The following RELN variants were observed in gnomAD, a reference collection of about 807,000 sequenced individuals.
RELN encodes the protein reelin.
RELN carries 108 observed loss-of-function variants against 427.6 expected under a neutral mutation model. That is an observed-to-expected ratio of 0.25 (90% CI 0.22 to 0.30). RELN has a LOEUF of 0.30. RELN is among the 10% of genes least tolerant of loss of function. RELN has a pLI of 1.00. For synonymous variants in RELN, 1,524 were observed against 1,513.4 expected (o/e 1.01, Z -0.16); for missense variants, 3,715 against 4,302.8 (o/e 0.86, Z 3.82).
chr7:103,586,218 C>T (rs1401459088), intron 28 of RELN, among the ~76,000 whole-genome samples: 1 of 151,990 alleles, frequency 6.6e-6, no homozygotes, highest in Non-Finnish European at 1.5e-5. Flanking sequence ...CAAAAATTAG[C>T]CGGGCATGGT....
At chr7:103,825,174 G>A (rs1355878890) in intron 3 of RELN, among the ~76,000 whole-genome samples, 1 of 152,032 alleles carries the variant, frequency 6.6e-6, no homozygotes, top group African/African-American at 2.4e-5. Flanking sequence ...GTACATGACA[G>A]TAAGTTTTCA....
intron 2 of RELN, among the ~76,000 whole-genome samples, chr7:103,895,096 G>A (rs945002676): frequency 1.3e-5 from 2 of 152,070 alleles, no homozygotes; most frequent in Admixed American, 1.3e-4. Flanking sequence ...TTCTAGGTAC[G>A]ACTATTACAT....
chr7:103,773,296 T>TCTCCCTCCCTCCCTCGCTCCCTCC (rs1791640408), intron 4 of RELN, among the ~76,000 whole-genome samples: 1 of 112,686 alleles, frequency 8.9e-6, no homozygotes, highest in Non-Finnish European at 1.8e-5. Flanking sequence ...TCGCTCCCTC[T>TCTCCCTCCCTCCCTCGCTCCCTCC]CTCTCTCCCT....
At chr7:103,530,036 C>G (rs985340358) in intron 46 of RELN, among the ~76,000 whole-genome samples, 20 of 152,112 alleles carry the variant, frequency 1.3e-4, no homozygotes, top group Admixed American at 2.6e-4. Flanking sequence ...CTCTCTCTCC[C>G]TCTCTTTTTA....
intron 5 of RELN, among the ~76,000 whole-genome samples, chr7:103,752,225 G>A (rs1343553015): frequency 6.6e-6 from 1 of 152,158 alleles, no homozygotes; most frequent in Non-Finnish European, 1.5e-5. Context: ...GAGAGGTTAA[G>A]TAACTTGCTC....
Position 103,486,141 on chromosome 7 carries a change from A to G in RELN, c.9983+56T>C, listed in dbSNP as rs371165562. On this transcript the variant is annotated intron_variant, in intron 61 of 64. Coordinates refer to ENST00000428762, the MANE Select transcript of RELN (RefSeq NM_005045.4). ...AATCCTATCTAACAGACAATGGACA[A>G]TCACTGGGCTTGTGACTAATTCTAT... 58 of 1,504,448 alleles carry G rather than the reference A, an allele frequency of 3.9e-5. No homozygotes were observed. The African/African-American group carries it at 4.8e-4, about 12-fold the overall frequency. The allele number at this position is 1,504,448 out of a possible 1,614,324, so 93.2% of individuals were successfully genotyped here.
chr7:103,551,938 G>GTGTGTGTGTGT (rs1554376284), intron 40 of RELN, among the ~76,000 whole-genome samples: 19 of 144,830 alleles, frequency 1.3e-4, no homozygotes, highest in African/African-American at 4.2e-4. Flanking sequence ...TGTGTGTGTG[G>GTGTGTGTGTGT]GTGTGTGTGT....
intron 2 of RELN, among the ~76,000 whole-genome samples, chr7:103,892,458 C>CT (rs1378407938): frequency 2.6e-5 from 4 of 152,156 alleles, no homozygotes; most frequent in Non-Finnish European, 5.9e-5. Flanking sequence ...CACATTAGTA[C>CT]TTTTTTCCTC....
chr7:103,718,259 T>A (rs1789989485), intron 8 of RELN, among the ~76,000 whole-genome samples: 2 of 149,198 alleles, frequency 1.3e-5, no homozygotes, highest in Non-Finnish European at 3.0e-5. Context: ...TGTATCTTAA[T>A]AAGTAAATAT....
chr7:103,679,965 T>C (rs1264776097), intron 11 of RELN, among the ~76,000 whole-genome samples: 1 of 152,218 alleles, frequency 6.6e-6, no homozygotes, highest in Non-Finnish European at 1.5e-5. Flanking sequence ...GAGAGCTGAA[T>C]GGACTATTCA....
At chr7:103,887,761 G>A (rs1197663243) in intron 2 of RELN, among the ~76,000 whole-genome samples, 1 of 152,076 alleles carries the variant, frequency 6.6e-6, no homozygotes, top group African/African-American at 2.4e-5. Context: ...AAGTGTTTTG[G>A]TGTGTACATG....
intron 2 of RELN, among the ~76,000 whole-genome samples, chr7:103,889,000 C>T (rs940006139): frequency 6.6e-6 from 1 of 152,186 alleles, no homozygotes; most frequent in Non-Finnish European, 1.5e-5. Flanking sequence ...ATGACCTCAA[C>T]ATGCAGAGGA....
chr7:103,969,643 T>C (rs943459425), intron 1 of RELN, among the ~76,000 whole-genome samples: 5 of 152,204 alleles, frequency 3.3e-5, no homozygotes, highest in African/African-American at 1.2e-4. Context: ...GAGAGTTAAA[T>C]GCAAAAACCA....
At chr7:103,924,204 C>A (rs1005865495) in intron 1 of RELN, among the ~76,000 whole-genome samples, 12 of 152,012 alleles carry the variant, frequency 7.9e-5, no homozygotes, top group African/African-American at 2.9e-4. Flanking sequence ...CTGGAGTATC[C>A]CCAGCAGGCT....
intron 4 of RELN, among the ~76,000 whole-genome samples, chr7:103,774,212 G>T (rs962373265): frequency 6.6e-6 from 1 of 150,974 alleles, no homozygotes; most frequent in Non-Finnish European, 1.5e-5. Context: ...CAGGAGAATC[G>T]CTTGAACCCA....
In RELN at chr7:103,639,383, C is replaced by T. The variant is rs866302411; in HGVS notation, c.2069+1160G>A. ...AGCGCTTGGCTCATACATGCAATTTCTTTTTTTTCTTTTTCTCTCTTTTTT... is the reference window on the plus strand; with the variant it reads ...AGCGCTTGGCTCATACATGCAATTTTTTTTTTTTCTTTTTCTCTCTTTTTT... On this transcript the variant is annotated intron_variant, in intron 17 of 64. Coordinates refer to ENST00000428762, the MANE Select transcript of RELN (RefSeq NM_005045.4). Among the ~76,000 whole-genome samples the T allele has an allele frequency of 2.8e-3, 424 of 150,134 alleles. 5 individuals carry two copies. The highest frequency in any genetic ancestry group is 9.6e-3 in the African/African-American group (392 of 40,984).
rs535962221 is a variant in RELN, at chr7:103,489,663, A to C, written c.9763+79T>G. On this transcript the variant is annotated intron_variant, in intron 60 of 64. Coordinates refer to ENST00000428762, the MANE Select transcript of RELN (RefSeq NM_005045.4). ...AGGCTGGAGTTTCTATCCATTTCCTAGTGGACTTTTGTATATATGTTAAGA... is the reference window on the plus strand; with the variant it reads ...AGGCTGGAGTTTCTATCCATTTCCTCGTGGACTTTTGTATATATGTTAAGA... 5 of 1,508,132 alleles carry C rather than the reference A, an allele frequency of 3.3e-6. No homozygotes were observed. The African/African-American group carries it at 6.9e-5, about 21-fold the overall frequency. 93.4% of individuals were successfully genotyped at this position (1,508,132 alleles called of 1,614,324 possible). A position where few individuals can be genotyped will look rare whatever the true frequency, so the allele number is the denominator to read the frequency against.
intron 6 of RELN, among the ~76,000 whole-genome samples, chr7:103,733,629 T>C (rs1790414623): frequency 1.4e-5 from 2 of 141,608 alleles, no homozygotes; most frequent in South Asian, 4.6e-4. Context: ...GATGAGTTCA[T>C]GTCCTTTGTA....
intron 8 of RELN, among the ~76,000 whole-genome samples, chr7:103,721,836 A>G (rs1169282147): frequency 1.3e-5 from 2 of 152,152 alleles, no homozygotes; most frequent in East Asian, 1.9e-4. Context: ...TAGCATAATT[A>G]AACACGTTTA....
Sources: allele counts gnomAD v4.1 joint callset (sites outside exome capture counted in the v4.1 genomes callset), GRCh38; gene constraint gnomAD v4.1.1; transcripts MANE v1.5; gene names NCBI Gene and HGNC (gene_info 2026-07-23, HGNC 2026-07-21).